The following TIAM2 variants were observed in gnomAD, a reference collection of about 807,000 sequenced individuals.
The protein encoded by TIAM2 is rho guanine nucleotide exchange factor TIAM2.
Under a neutral mutation model 152.9 loss-of-function variants are expected in TIAM2, and 80 were observed. That is an observed-to-expected ratio of 0.52 (90% CI 0.44 to 0.63). TIAM2 has a LOEUF of 0.63. Among genes scored for constraint, TIAM2 ranks in the 30% least tolerant of loss-of-function variants. TIAM2 has a pLI of 0.00. For missense variants in TIAM2, 1,965 were observed against 2,120.1 expected, an observed-to-expected ratio of 0.93 and a Z score of 1.44; for synonymous variants, 804 against 838.0, an observed-to-expected ratio of 0.96 and a Z score of 0.70.
At chr6:155,254,675 T>G in intron 26 of TIAM2, 102 bp downstream of exon 26, 1 of 1,429,350 alleles carries the variant, frequency 7.0e-7, no homozygotes, top group East Asian at 2.3e-5. Flanking sequence ...ACTTTGTAAG[T>G]CATCGAGGTA....
At position 155,137,326 on chromosome 6, in the gene TIAM2, G is replaced by T. The variant is rs140011443; in HGVS notation, c.1344G>T (p.Ala448=). Residue 448 remains alanine (A), a synonymous_variant, in exon 5 of 27, where the codon GCG becomes GCT. Transcript: ENST00000682666. ...ILSQRSESTH[A]IGSDPLRQNI... is the part of the protein sequence containing the mutation. Reference sequence around the variant, plus strand: ...CTCAGAGAAGTGAATCCACACATGCGATTGGCAGCGATCCCCTCCGGCAGA... The same window carrying T: ...CTCAGAGAAGTGAATCCACACATGCTATTGGCAGCGATCCCCTCCGGCAGA... 1.9e-6 allele frequency: 3 copies of T among 1,614,060 alleles called. No individual in the cohort carries two copies. Among genetic ancestry groups the T allele is most frequent in the South Asian group, 1.1e-5 (1 of 91,088 alleles).
chr6:155,252,469 T>A (rs1315051829), intron 23 of TIAM2, among the ~76,000 whole-genome samples: 1 of 152,120 alleles, frequency 6.6e-6, no homozygotes, highest in African/African-American at 2.4e-5. Context: ...ACCCTGTCAA[T>A]AAATACATAA....
intron 1 of TIAM2, among the ~76,000 whole-genome samples, chr6:154,999,200 A>AAAAT (rs1323738157): frequency 2.5e-5 from 2 of 79,336 alleles, no homozygotes; most frequent in Non-Finnish European, 6.2e-5. Flanking sequence ...ATGCTATAGG[A>AAAAT]AAATTAATTA....
chr6:155,129,196 G>C lies in TIAM2; in HGVS notation c.-6-22G>C. The C allele has an allele frequency of 1.2e-6, 2 of 1,600,274 alleles. No homozygotes were observed. The highest frequency in any genetic ancestry group is 2.7e-5 in the African/African-American group (2 of 74,688). On this transcript the variant is annotated intron_variant, in intron 3 of 26. Transcript: ENST00000682666. The surrounding 1 kb of genome is among the most constrained non-coding windows in gnomAD (Gnocchi z 4.8). Reference sequence around the variant, plus strand: ...ATGTAATTTAGGCCACGGTCTTACTGATGCAACTGTTCTTAATTTAGGTTA... The same window carrying C: ...ATGTAATTTAGGCCACGGTCTTACTCATGCAACTGTTCTTAATTTAGGTTA...
chr6:155,202,937 C>T (rs1781509281), intron 14 of TIAM2, among the ~76,000 whole-genome samples: 1 of 148,472 alleles, frequency 6.7e-6, no homozygotes, highest in Admixed American at 6.8e-5. Context: ...CCCATAGTTC[C>T]AGCTACTCAG....
rs145223747 is a variant in TIAM2 at position 155,065,791 on chromosome 6, A to T, written c.-208-24498A>T. 5.3e-5 allele frequency among the ~76,000 whole-genome samples: 8 copies of T among 152,280 alleles called. No individual in the cohort carries two copies. In the East Asian group the frequency reaches 1.5e-3, roughly 29 times the overall value. On this transcript the variant is annotated intron_variant, in intron 1 of 26. Transcript: ENST00000682666. ...CTCCCCACCAAAAAAGTGATTTTAC[A>T]TGTGAATAAAAATAATGACAGTGCA...
intron 7 of TIAM2, among the ~76,000 whole-genome samples, chr6:155,163,471 T>A (rs941732963): frequency 1.3e-5 from 2 of 152,256 alleles, no homozygotes; most frequent in Non-Finnish European, 2.9e-5. Context: ...TGCATTTCTT[T>A]ACCAACTCAT....
intron 2 of TIAM2, among the ~76,000 whole-genome samples, chr6:155,095,250 T>A (rs1356376407): frequency 6.6e-6 from 1 of 152,216 alleles, no homozygotes; most frequent in Non-Finnish European, 1.5e-5. Context: ...CAATGCCTAT[T>A]AAGGCACAGA....
intron 4 of TIAM2, among the ~76,000 whole-genome samples, chr6:155,135,903 G>A (rs1038746541): frequency 1.6e-4 from 24 of 151,920 alleles, no homozygotes; most frequent in Non-Finnish European, 3.4e-4. Flanking sequence ...TATTAATTAT[G>A]AAAAAAACTG....
At chr6:155,007,099 G>A (rs1778414760) in intron 1 of TIAM2, among the ~76,000 whole-genome samples, 1 of 152,286 alleles carries the variant, frequency 6.6e-6, no homozygotes, top group East Asian at 1.9e-4. Context: ...CTTTTTGATC[G>A]TACTTTGAGA....
intron 1 of TIAM2, among the ~76,000 whole-genome samples, chr6:155,083,352 A>AG (rs1778111126): frequency 6.8e-6 from 1 of 147,508 alleles, no homozygotes; most frequent in Admixed American, 7.0e-5. Flanking sequence ...TTATCTCAAA[A>AG]AAAAAAAAAA....
chr6:155,063,512 G>A lies in TIAM2; in HGVS notation c.-208-26777G>A, dbSNP rs112012247. Among the ~76,000 whole-genome samples, 10 of 152,234 alleles carry A rather than the reference G, an allele frequency of 6.6e-5. 3 individuals carry two copies. The highest frequency in any genetic ancestry group is 2.4e-4 in the African/African-American group (10 of 41,530). On this transcript the variant is annotated intron_variant, in intron 1 of 26. Coordinates refer to ENST00000682666, the MANE Select transcript of TIAM2 (RefSeq NM_012454.4). Reference sequence around the variant, plus strand: ...CATTTGTAAAAAGTTGGCCAGGCATGGTGGCTCATGTCTGTAATCCCAGCA... The same window carrying A: ...CATTTGTAAAAAGTTGGCCAGGCATAGTGGCTCATGTCTGTAATCCCAGCA...
rs137907841 is a variant in TIAM2, at chr6:155,129,517, C to T, written c.294C>T (p.Ala98=). The T allele has an allele frequency of 2.4e-4, 384 of 1,613,984 alleles. No individual in the cohort carries two copies. Among genetic ancestry groups the T allele is most frequent in the Non-Finnish European group, 3.1e-4 (371 of 1,180,010 alleles). Residue 98 remains alanine (A), a synonymous_variant, in exon 4 of 27, where the codon GCC becomes GCT. Coordinates refer to ENST00000682666, the MANE Select transcript of TIAM2 (RefSeq NM_012454.4). The surrounding 1 kb of genome is among the most constrained non-coding windows in gnomAD (Gnocchi z 4.8). ...GVAYSTHRTN[A]PGKDFQGISA... ...CCTACTCCACGCACAGGACAAATGC[C>T]CCAGGGAAGGATTTCCAGGGCATCA... is the stretch of plus-strand genomic sequence containing the variant.
chr6:155,097,710 C>G (rs142543214), intron 2 of TIAM2, among the ~76,000 whole-genome samples: 4 of 152,284 alleles, frequency 2.6e-5, no homozygotes, highest in Non-Finnish European at 5.9e-5. Flanking sequence ...CTTTTGAGGT[C>G]TTAGACAGAA....
intron 15 of TIAM2, among the ~76,000 whole-genome samples, chr6:155,212,062 G>T (rs959834063): frequency 2.0e-5 from 3 of 152,034 alleles, no homozygotes; most frequent in Non-Finnish European, 2.9e-5. Context: ...CTTTTTTATG[G>T]CTGAGTAATA....
At chr6:155,123,724 G>A (rs1290969832) in intron 2 of TIAM2, among the ~76,000 whole-genome samples, 2 of 152,142 alleles carry the variant, frequency 1.3e-5, no homozygotes, top group Non-Finnish European at 2.9e-5. Context: ...TGGTTTTGGC[G>A]AGCTCAGGGC....
intron 1 of TIAM2, among the ~76,000 whole-genome samples, chr6:155,006,398 G>C (rs115963272): frequency 6.6e-6 from 1 of 151,932 alleles, no homozygotes; most frequent in Non-Finnish European, 1.5e-5. Flanking sequence ...ATCGGGCATG[G>C]TGGCTCATGC....
intron 15 of TIAM2, among the ~76,000 whole-genome samples, chr6:155,227,257 A>G (rs1782281790): frequency 6.6e-6 from 1 of 152,250 alleles, no homozygotes; most frequent in Admixed American, 6.5e-5. Flanking sequence ...GGTGAAATAA[A>G]GACTAGGCAT....
chr6:155,101,649 TTTC>T (rs1778551573), intron 2 of TIAM2, among the ~76,000 whole-genome samples: 2 of 152,314 alleles, frequency 1.3e-5, no homozygotes, highest in African/African-American at 4.8e-5. Flanking sequence ...TTTTTATTGT[TTTC>T]TTCTTTGAAT....
Sources: allele counts gnomAD v4.1 joint callset (sites outside exome capture counted in the v4.1 genomes callset), GRCh38; gene constraint gnomAD v4.1.1; non-coding constraint Gnocchi (gnomAD v3.1); transcripts MANE v1.5; gene names NCBI Gene and HGNC (gene_info 2026-07-23, HGNC 2026-07-21).